PRKG1: variants seen among roughly 807,000 people sequenced by gnomAD.
PRKG1 encodes the protein cGMP-dependent protein kinase 1.
Under a neutral mutation model 88.1 loss-of-function variants are expected in PRKG1, and 35 were observed. The ratio of observed to expected loss-of-function variants is 0.40; its 90% CI spans 0.30 to 0.53. PRKG1 has a LOEUF of 0.53. PRKG1 is among the 20% of genes least tolerant of loss of function. The probability of loss-of-function intolerance (pLI) is 0.59; values close to 1 mark genes in which losing one functional copy is unlikely to be tolerated. For synonymous variants in PRKG1, 303 were observed against 292.5 expected (o/e 1.04, Z -0.37); for missense variants, 540 against 839.8 (o/e 0.64, Z 4.41).
At chr10:51,639,651 T>G (rs926354628) in intron 3 of PRKG1, among the ~76,000 whole-genome samples, 2 of 151,148 alleles carry the variant, frequency 1.3e-5, no homozygotes. Flanking sequence ...AAATAAACTT[T>G]TTATGCCACA....
chr10:51,804,555 CCT>C (rs1451281056), intron 3 of PRKG1, 28 bp from the exon 4 acceptor site: 3 of 1,446,830 alleles, frequency 2.1e-6, no homozygotes, highest in Admixed American at 1.7e-5. Context: ...TTAATTTTTC[CCT>C]GTTTGTTTCT....
chr10:51,779,534 T>C (rs1175569527), intron 3 of PRKG1, among the ~76,000 whole-genome samples: 1 of 152,166 alleles, frequency 6.6e-6, no homozygotes, highest in African/African-American at 2.4e-5. Context: ...TTTCCTTTAA[T>C]TTGAAAATTT....
intron 14 of PRKG1, among the ~76,000 whole-genome samples, chr10:52,285,934 GAGA>G (rs1406861279): frequency 6.6e-6 from 1 of 152,018 alleles, no homozygotes; most frequent in African/African-American, 2.4e-5. Context: ...ATTTCAGAAA[GAGA>G]ATCTATTAGT....
intron 5 of PRKG1, among the ~76,000 whole-genome samples, chr10:52,015,461 C>T (rs1222501283): frequency 6.6e-6 from 1 of 152,214 alleles, no homozygotes; most frequent in Non-Finnish European, 1.5e-5. Context: ...ACCATTTTTC[C>T]CATCTAGATC....
At chr10:51,737,875 T>C (rs1837329368) in intron 3 of PRKG1, among the ~76,000 whole-genome samples, 1 of 151,826 alleles carries the variant, frequency 6.6e-6, no homozygotes, top group African/African-American at 2.4e-5. Context: ...GCGATTCTCC[T>C]GCCTCAGCCT....
intron 3 of PRKG1, among the ~76,000 whole-genome samples, chr10:51,725,295 A>G (rs1842104363): frequency 1.3e-5 from 2 of 152,220 alleles, no homozygotes. Context: ...AGGTGTCTGC[A>G]CTGGCCATTT....
intron 3 of PRKG1, among the ~76,000 whole-genome samples, chr10:51,592,178 AG>A (rs1278507170): frequency 3.3e-5 from 5 of 152,224 alleles, no homozygotes; most frequent in Non-Finnish European, 7.3e-5. Flanking sequence ...AAATAAAATA[AG>A]GTTCGAGGAA....
At chr10:51,641,663 G>A (rs763567513) in intron 3 of PRKG1, among the ~76,000 whole-genome samples, 1 of 151,898 alleles carries the variant, frequency 6.6e-6, no homozygotes, top group Non-Finnish European at 1.5e-5. Flanking sequence ...GCCACTGAAA[G>A]TAATGGCAAA....
At chr10:52,081,302 T>C (rs1846768525) in intron 7 of PRKG1, among the ~76,000 whole-genome samples, 1 of 152,190 alleles carries the variant, frequency 6.6e-6, no homozygotes, top group Non-Finnish European at 1.5e-5. Flanking sequence ...CTGAGCTAGC[T>C]ACTTAAACCT....
chr10:51,406,193 T>G (rs1370492582), intron 2 of PRKG1, among the ~76,000 whole-genome samples: 1 of 152,184 alleles, frequency 6.6e-6, no homozygotes, highest in African/African-American at 2.4e-5. Context: ...GCTGCAGAAC[T>G]CAACCAATGA....
intron 1 of PRKG1, among the ~76,000 whole-genome samples, chr10:50,994,505 C>T (rs2660219): frequency 6.7e-6 from 1 of 149,854 alleles, no homozygotes; most frequent in Non-Finnish European, 1.5e-5. Context: ...CCGCCTCCCG[C>T]GTTCACGCCA....
chr10:52,178,119 G>T (rs1055335577), intron 9 of PRKG1, among the ~76,000 whole-genome samples: 1 of 151,384 alleles, frequency 6.6e-6, no homozygotes, highest in Non-Finnish European at 1.5e-5. Flanking sequence ...TAGTTTTTTT[G>T]ATATAGGCAT....
At chr10:51,199,717 A>T (rs1837863903) in intron 2 of PRKG1, among the ~76,000 whole-genome samples, 2 of 152,122 alleles carry the variant, frequency 1.3e-5, no homozygotes, top group Non-Finnish European at 2.9e-5. Flanking sequence ...TCTTCACTGA[A>T]TTTCACTGCT....
intron 2 of PRKG1, among the ~76,000 whole-genome samples, chr10:51,226,466 G>A (rs2132100949): frequency 6.6e-6 from 1 of 152,224 alleles, no homozygotes; most frequent in Admixed American, 6.5e-5. Flanking sequence ...TTATCAATGA[G>A]TATGAGGGCT....
chr10:51,783,786 T>G (rs538060394), intron 3 of PRKG1, among the ~76,000 whole-genome samples: 2 of 152,098 alleles, frequency 1.3e-5, no homozygotes, highest in Non-Finnish European at 2.9e-5. Flanking sequence ...CAGCACAATA[T>G]TTGAATATTA....
intron 5 of PRKG1, among the ~76,000 whole-genome samples, chr10:51,947,486 G>GTCTTCCGCCCACTA (rs1564722629): frequency 2.6e-5 from 4 of 152,126 alleles, no homozygotes. Flanking sequence ...TCCGCCCACT[G>GTCTTCCGCCCACTA]TCTGGCACTC....
intron 2 of PRKG1, among the ~76,000 whole-genome samples, chr10:51,337,733 TA>T (rs2132541776): frequency 6.6e-6 from 1 of 152,210 alleles, no homozygotes; most frequent in East Asian, 1.9e-4. Flanking sequence ...CAATGATTAT[TA>T]AAAAGTCAAG....
At chr10:51,175,433 T>G (rs1187165221) in intron 2 of PRKG1, among the ~76,000 whole-genome samples, 1 of 152,070 alleles carries the variant, frequency 6.6e-6, no homozygotes, top group Non-Finnish European at 1.5e-5. Context: ...TTGCCATTTA[T>G]TTCTATCAAA....
intron 2 of PRKG1, among the ~76,000 whole-genome samples, chr10:51,404,200 C>G (rs945293222): frequency 2.0e-4 from 31 of 152,158 alleles, no homozygotes; most frequent in African/African-American, 7.2e-4. Flanking sequence ...AGATAGTTAG[C>G]GTCATTGTGT....
Sources: allele counts gnomAD v4.1 joint callset (sites outside exome capture counted in the v4.1 genomes callset), GRCh38; gene constraint gnomAD v4.1.1; transcripts MANE v1.5; gene names NCBI Gene and HGNC (gene_info 2026-07-23, HGNC 2026-07-21).